The following MANBAL variants were observed in gnomAD, a reference collection of about 807,000 sequenced individuals.
MANBAL encodes the protein mannosidase beta like.
A neutral mutation model predicts 6.4 loss-of-function variants in MANBAL; 1 was observed. The ratio of observed to expected loss-of-function variants is 0.16; its 90% confidence interval spans 0.06 to 0.74. The LOEUF (loss-of-function observed/expected upper bound fraction) is 0.74. Ranked by LOEUF, MANBAL falls within the 30% of genes least tolerant of loss-of-function variation. The pLI, the probability that MANBAL is intolerant of heterozygous loss-of-function variation, is 0.78. For missense variants in MANBAL, 100 were observed against 107.8 expected, an observed-to-expected ratio of 0.93 and a Z score of 0.32; for synonymous variants, 47 against 45.8, an observed-to-expected ratio of 1.03 and a Z score of -0.10.
At chr20:37,311,186 C>T (rs974700938) in intron 2 of MANBAL, among the ~76,000 whole-genome samples, 1 of 152,228 alleles carries the variant, frequency 6.6e-6, no homozygotes, top group African/African-American at 2.4e-5. Context: ...AGTGTGCGTT[C>T]TCATCTTCAT....
intron 2 of MANBAL, among the ~76,000 whole-genome samples, chr20:37,307,855 A>G (rs1362530865): frequency 6.6e-6 from 1 of 152,178 alleles, no homozygotes; most frequent in African/African-American, 2.4e-5. Flanking sequence ...TCCAGGAAAG[A>G]CGTGAACTTG....
At position 37,316,428 on chromosome 20, in the gene MANBAL, G is replaced by C. The variant is rs1025985586; in HGVS notation, c.*13G>C. On this transcript the variant is annotated 3_prime_UTR_variant, in exon 3 of 3. Coordinates refer to ENST00000373606, the MANE Select transcript of MANBAL (RefSeq NM_001003897.2). ...GAAGAAGCGGTAGAAGAGGAGGCCT[G>C]AGGAGCTGGGCGGGCAGGGAGAGGG... 2 of 1,609,364 alleles carry C rather than the reference G, an allele frequency of 1.2e-6. No homozygotes were observed. The highest frequency in any genetic ancestry group is 1.1e-5 in the South Asian group (1 of 90,872).
intron 1 of MANBAL, among the ~76,000 whole-genome samples, chr20:37,299,121 C>T (rs764171705): frequency 3.3e-5 from 5 of 152,036 alleles, no homozygotes; most frequent in Admixed American, 6.5e-5. Context: ...CGCTCTGTCA[C>T]CCAGGCTGGA....
At chr20:37,310,979 C>CA (rs2069372364) in intron 2 of MANBAL, among the ~76,000 whole-genome samples, 1 of 152,318 alleles carries the variant, frequency 6.6e-6, no homozygotes, top group Admixed American at 6.5e-5. Flanking sequence ...CTTGGAGCTA[C>CA]AGGCCCTGTG....
chr20:37,307,629 T>C (rs1377166383), intron 2 of MANBAL, among the ~76,000 whole-genome samples: 1 of 151,946 alleles, frequency 6.6e-6, no homozygotes, highest in East Asian at 1.9e-4. Context: ...TGGTAGTGTG[T>C]ACTTATAATC....
chr20:37,292,542 C>CA, intron 1 of MANBAL, among the ~76,000 whole-genome samples: 1 of 152,258 alleles, frequency 6.6e-6, no homozygotes, highest in East Asian at 1.9e-4. Context: ...TCAGGTGATC[C>CA]ACCTGCCTTG....
intron 2 of MANBAL, among the ~76,000 whole-genome samples, chr20:37,310,163 C>T (rs1372836809): frequency 2.0e-5 from 3 of 152,174 alleles, no homozygotes; most frequent in African/African-American, 4.8e-5. Context: ...CAGTTCTCCC[C>T]GCCTGCCAAG....
rs1271584131 is a variant in MANBAL, at chr20:37,304,113, G to GAA, written c.150+2702_150+2703dup. Reference sequence around the variant, plus strand: ...ATTTTTTACTACTAAGACTCAGAATGAAATTTAAGACTTCTTTGTGATTCT... The same window carrying GAA: ...ATTTTTTACTACTAAGACTCAGAATGAAAAATTTAAGACTTCTTTGTGATTCT... On this transcript the variant is annotated intron_variant, in intron 2 of 2. Transcript: ENST00000373606. Among the ~76,000 whole-genome samples the GAA allele has an allele frequency of 2.0e-5, 3 of 152,298 alleles. No homozygotes were observed. The East Asian group carries it at 5.8e-4, about 29-fold the overall frequency.
At chr20:37,297,818 T>G (rs1046951861) in intron 1 of MANBAL, among the ~76,000 whole-genome samples, 1 of 152,114 alleles carries the variant, frequency 6.6e-6, no homozygotes, top group Non-Finnish European at 1.5e-5. Context: ...AATTTTTTTG[T>G]ATTTTTATTA....
chr20:37,308,727 A>G (rs1382966012), intron 2 of MANBAL, among the ~76,000 whole-genome samples: 1 of 151,384 alleles, frequency 6.6e-6, no homozygotes, highest in East Asian at 2.0e-4. Flanking sequence ...ACCCTCCTCC[A>G]AGCCTCTTCC....
chr20:37,304,546 A>G (rs1334359919), intron 2 of MANBAL, among the ~76,000 whole-genome samples: 1 of 151,516 alleles, frequency 6.6e-6, no homozygotes, highest in African/African-American at 2.5e-5. Context: ...TAAATAAAAG[A>G]TAGCATACTA....
intron 2 of MANBAL, among the ~76,000 whole-genome samples, chr20:37,315,675 C>A (rs139644277): frequency 3.1e-3 from 471 of 152,356 alleles, no homozygotes; most frequent in Non-Finnish European, 4.3e-3. Flanking sequence ...TGCCTCTGCC[C>A]TCCCCCACAG....
chr20:37,311,865 G>A (rs1184415041), intron 2 of MANBAL, among the ~76,000 whole-genome samples: 2 of 152,216 alleles, frequency 1.3e-5, no homozygotes, highest in African/African-American at 2.4e-5. Flanking sequence ...GTAGAGGCAC[G>A]GGCAGGAGAG....
intron 1 of MANBAL, among the ~76,000 whole-genome samples, chr20:37,290,757 C>CT (rs1379024749): frequency 2.0e-5 from 3 of 152,074 alleles, no homozygotes; most frequent in South Asian, 2.1e-4. Flanking sequence ...CCACACCCGG[C>CT]TTTTTTTTCT....
chr20:37,292,638 A>T (rs972590448), intron 1 of MANBAL, among the ~76,000 whole-genome samples: 1 of 152,194 alleles, frequency 6.6e-6, no homozygotes, highest in Non-Finnish European at 1.5e-5. Flanking sequence ...TTTATTTTAT[A>T]CTTTGGACCA....
At chr20:37,303,508 T>C (rs925967937) in intron 2 of MANBAL, among the ~76,000 whole-genome samples, 1 of 152,262 alleles carries the variant, frequency 6.6e-6, no homozygotes, top group Non-Finnish European at 1.5e-5. Context: ...CTTTATCTTA[T>C]GCTGGAAATC....
intron 2 of MANBAL, among the ~76,000 whole-genome samples, chr20:37,315,660 G>C (rs929195664): frequency 1.3e-5 from 2 of 152,320 alleles, no homozygotes; most frequent in African/African-American, 4.8e-5. Flanking sequence ...ATTCTGCCCC[G>C]AGGCTGCCTC....
intron 2 of MANBAL, 31 bp downstream of exon 2, chr20:37,301,444 C>CT: frequency 6.2e-7 from 1 of 1,605,728 alleles, no homozygotes; most frequent in Non-Finnish European, 8.5e-7. Flanking sequence ...CTCAGCTCCT[C>CT]TGAGTGCCAG....
intron 2 of MANBAL, among the ~76,000 whole-genome samples, chr20:37,305,679 CTTT>C (rs61317146): frequency 1.5e-5 from 2 of 137,122 alleles, no homozygotes; most frequent in African/African-American, 2.7e-5. Flanking sequence ...ACTGTTTTAA[CTTT>C]TTTTTTTTTT....
Sources: allele counts gnomAD v4.1 joint callset (sites outside exome capture counted in the v4.1 genomes callset), GRCh38; gene constraint gnomAD v4.1.1; transcripts MANE v1.5; gene names NCBI Gene and HGNC (gene_info 2026-07-23, HGNC 2026-07-21).